The following SPON1 variants were observed in gnomAD, a reference collection of about 807,000 sequenced individuals.
SPON1 encodes the protein spondin-1.
Under a neutral mutation model 111.7 loss-of-function variants are expected in SPON1, and 52 were observed. The observed-to-expected ratio is 0.47, with a 90% CI of 0.37 to 0.59. The LOEUF (loss-of-function observed/expected upper bound fraction) is 0.59, where lower values mean the gene tolerates loss of function less well. Among genes scored for constraint, SPON1 ranks in the 20% least tolerant of loss-of-function variants. The pLI is 0.00. For missense variants in SPON1, 957 were observed against 1,068.5 expected (o/e 0.90, Z 1.46); for synonymous variants, 410 against 395.8 (o/e 1.04, Z -0.43).
chr11:14,020,628 A>C (rs782407192), intron 2 of SPON1, among the ~76,000 whole-genome samples: 6 of 152,228 alleles, frequency 3.9e-5, no homozygotes, highest in Non-Finnish European at 8.8e-5. Context: ...TGTTGATTGC[A>C]GCCTTGTTTG....
chr11:14,210,373 C>CTTTTTTTTTTTTTTTTTT (rs79378171), intron 6 of SPON1, among the ~76,000 whole-genome samples: 9 of 133,724 alleles, frequency 6.7e-5, no homozygotes, highest in Admixed American at 1.5e-4. Context: ...TTTCTTTTTC[C>CTTTTTTTTTTTTTTTTTT]TTTTTTTTTT....
intron 11 of SPON1, among the ~76,000 whole-genome samples, chr11:14,258,531 A>T (rs1014510293): frequency 1.3e-5 from 2 of 152,192 alleles, no homozygotes; most frequent in African/African-American, 4.8e-5. Flanking sequence ...GATCTACGCT[A>T]TTCTGCCCTG....
intron 6 of SPON1, among the ~76,000 whole-genome samples, chr11:14,153,134 A>G (rs190338632): frequency 4.6e-5 from 7 of 152,278 alleles, no homozygotes; most frequent in African/African-American, 1.2e-4. Flanking sequence ...TCTATCTTCA[A>G]TCTTTTACAA....
chr11:13,979,753 T>C (rs1554909387), intron 1 of SPON1, among the ~76,000 whole-genome samples: 1 of 152,198 alleles, frequency 6.6e-6, no homozygotes, highest in Non-Finnish European at 1.5e-5. Flanking sequence ...AATATATTAG[T>C]GCCAGGGTCA....
chr11:14,186,053 A>G (rs1295198695), intron 6 of SPON1, among the ~76,000 whole-genome samples: 1 of 152,224 alleles, frequency 6.6e-6, no homozygotes, highest in African/African-American at 2.4e-5. Flanking sequence ...TTTGAAACCT[A>G]TATAGGCCTG....
At chr11:14,167,086 A>C (rs781922762) in intron 6 of SPON1, among the ~76,000 whole-genome samples, 2 of 152,134 alleles carry the variant, frequency 1.3e-5, no homozygotes, top group Non-Finnish European at 2.9e-5. Context: ...CAATTATAGG[A>C]GTTTTACATA....
At chr11:14,122,982 G>A (rs1554926659) in intron 5 of SPON1, among the ~76,000 whole-genome samples, 1 of 147,610 alleles carries the variant, frequency 6.8e-6, no homozygotes, top group African/African-American at 2.5e-5. Context: ...CACCCAGGCT[G>A]GAATAGAGTG....
intron 2 of SPON1, among the ~76,000 whole-genome samples, chr11:14,032,285 G>A (rs1488730436): frequency 6.6e-6 from 1 of 151,198 alleles, no homozygotes; most frequent in Non-Finnish European, 1.5e-5. Context: ...TTGGGGTGGT[G>A]GAATGATCAG....
At chr11:14,087,172 C>A (rs1849013532) in intron 5 of SPON1, among the ~76,000 whole-genome samples, 1 of 151,820 alleles carries the variant, frequency 6.6e-6, no homozygotes, top group Non-Finnish European at 1.5e-5. Context: ...TTAGTTATTT[C>A]TTGTCTTCTG....
intron 5 of SPON1, among the ~76,000 whole-genome samples, chr11:14,084,049 G>A (rs1191025068): frequency 6.6e-6 from 1 of 151,036 alleles, no homozygotes; most frequent in Non-Finnish European, 1.5e-5. Flanking sequence ...TTCCCAATTA[G>A]TCACACAGAA....
intron 3 of SPON1, among the ~76,000 whole-genome samples, chr11:14,044,327 C>G (rs1208830795): frequency 6.6e-6 from 1 of 152,134 alleles, no homozygotes; most frequent in Non-Finnish European, 1.5e-5. Flanking sequence ...TCCATGACAT[C>G]TTGGCTGGAC....
chr11:14,104,078 C>CT (rs1285131567), intron 5 of SPON1, among the ~76,000 whole-genome samples: 19 of 152,126 alleles, frequency 1.2e-4, no homozygotes, highest in Non-Finnish European at 2.6e-4. Flanking sequence ...ATCTCACTTG[C>CT]TTTTTTTCCC....
At chr11:14,133,315 G>T (rs1554927726) in intron 5 of SPON1, among the ~76,000 whole-genome samples, 1 of 152,226 alleles carries the variant, frequency 6.6e-6, no homozygotes, top group Non-Finnish European at 1.5e-5. Flanking sequence ...CACAGCACTA[G>T]GTGTTGGGCT....
chr11:13,982,938 T>C lies in SPON1; in HGVS notation c.330T>C (p.His110=), dbSNP rs983500392. Residue 110 remains histidine (H), a synonymous_variant, in exon 2 of 16, where the codon CAT becomes CAC. Coordinates refer to ENST00000576479, the MANE Select transcript of SPON1 (RefSeq NM_006108.4). ...ENREGDKEED[H]AGTFQIIDEE... ...GAGAGGGTGATAAGGAAGAAGACCA[T>C]GCTGGGACCTTCCAGGTAAGACCCT... 5.8e-6 allele frequency: 9 copies of C among 1,553,090 alleles called. No individual in the cohort carries two copies. Among genetic ancestry groups the C allele is most frequent in the Non-Finnish European group, 7.8e-6 (9 of 1,146,882 alleles).
At chr11:13,983,321 G>C (rs987317093) in intron 2 of SPON1, among the ~76,000 whole-genome samples, 1 of 152,218 alleles carries the variant, frequency 6.6e-6, no homozygotes, top group African/African-American at 2.4e-5. Context: ...ACAAGAGCTC[G>C]GGACCGCCAG....
intron 6 of SPON1, among the ~76,000 whole-genome samples, chr11:14,211,826 T>C (rs1449907135): frequency 2.0e-5 from 3 of 152,180 alleles, no homozygotes; most frequent in Non-Finnish European, 4.4e-5. Flanking sequence ...CAGCAAATTC[T>C]TTGTAAATAT....
intron 6 of SPON1, among the ~76,000 whole-genome samples, chr11:14,219,667 G>A (rs1412210211): frequency 6.6e-6 from 1 of 152,124 alleles, no homozygotes; most frequent in African/African-American, 2.4e-5. Context: ...AAAGACAGGA[G>A]TTTGTCGGGG....
intron 2 of SPON1, among the ~76,000 whole-genome samples, chr11:14,020,499 A>G (rs1267347759): frequency 6.6e-6 from 1 of 152,258 alleles, no homozygotes; most frequent in Non-Finnish European, 1.5e-5. Context: ...AATTTGTATT[A>G]GTTTGGCACT....
At chr11:14,070,744 ACC>A (rs782746142) in intron 3 of SPON1, among the ~76,000 whole-genome samples, 41 of 152,102 alleles carry the variant, frequency 2.7e-4, no homozygotes, top group Non-Finnish European at 5.4e-4. Flanking sequence ...TAGACAGCAA[ACC>A]CACAACTTCA....
Sources: gnomAD v4.1 joint callset for allele counts (sites outside exome capture counted in the v4.1 genomes callset) on GRCh38, gnomAD v4.1.1 for gene constraint, MANE v1.5 for transcripts, NCBI Gene and HGNC (gene_info 2026-07-23, HGNC 2026-07-21) for gene names.